Variants in SNX8 observed in about 807,000 individuals in gnomAD.
The protein encoded by SNX8 is sorting nexin-8.
A neutral mutation model predicts 51.6 loss-of-function variants in SNX8; 25 were observed. The ratio of observed to expected loss-of-function variants is 0.48; its 90% CI spans 0.35 to 0.68. SNX8 has a LOEUF of 0.68. Ranked by LOEUF, SNX8 falls within the 30% of genes least tolerant of loss-of-function variation. The pLI, the probability that SNX8 is intolerant of heterozygous loss-of-function variation, is 0.00. For missense variants in SNX8, 695 were observed against 624.0 expected (o/e 1.11, Z -1.21); for synonymous variants, 324 against 277.0 (o/e 1.17, Z -1.68).
rs1164062780 is a variant in SNX8, at chr7:2,254,117, G to C, written c.*939C>G. ...CACTGGTTCCCTCTGTGAGCAGGTGGCTGGGCCGGCAAGTGCGTGACGGGA... is the reference window on the plus strand; with the variant it reads ...CACTGGTTCCCTCTGTGAGCAGGTGCCTGGGCCGGCAAGTGCGTGACGGGA... On this transcript the variant is annotated 3_prime_UTR_variant, in exon 11 of 11. Transcript: ENST00000222990. 1 of 152,600 alleles carries C rather than the reference G, an allele frequency of 6.6e-6. No individual in the cohort carries two copies. The highest frequency in any genetic ancestry group is 2.4e-5 in the African/African-American group (1 of 41,466). 9.5% of individuals were successfully genotyped at this position (152,600 alleles called of 1,614,324 possible). A position where few individuals can be genotyped will look rare whatever the true frequency, so the allele number is the denominator to read the frequency against.
chr7:2,323,005 A>G (rs1372172818), intron 1 of SNX8, among the ~76,000 whole-genome samples: 2 of 151,524 alleles, frequency 1.3e-5, no homozygotes, highest in Non-Finnish European at 2.9e-5. Context: ...CAACAGAACA[A>G]GACTCTGTCT....
chr7:2,334,715 A>T (rs1778794282), intron 1 of SNX8, among the ~76,000 whole-genome samples: 1 of 151,288 alleles, frequency 6.6e-6, no homozygotes, highest in South Asian at 2.1e-4. Context: ...ACAAAAACAA[A>T]AACAATTAGC....
At chr7:2,327,653 C>T (rs1232302299) in intron 1 of SNX8, among the ~76,000 whole-genome samples, 12 of 151,202 alleles carry the variant, frequency 7.9e-5, no homozygotes, top group East Asian at 1.9e-4. Context: ...ATGATCCGCC[C>T]GCCTCGGCCT....
intron 1 of SNX8, among the ~76,000 whole-genome samples, chr7:2,346,404 C>T (rs1198790114): frequency 6.6e-6 from 1 of 151,644 alleles, no homozygotes; most frequent in East Asian, 1.9e-4. Context: ...TGTGATTTCA[C>T]CACTGCACTC....
In SNX8 at chr7:2,328,404, C is replaced by T. The variant is rs1046758108; in HGVS notation, c.-66+25818G>A. On this transcript the variant is annotated intron_variant, in intron 1 of 5. Coordinates refer to the SNX8 transcript ENST00000435336. ...ACAGGGTCTCACTATATTGCCCAGG[C>T]TGGTCTTCAACTCCTGGGCTCAAAT... Among the ~76,000 whole-genome samples, 6 of 152,056 alleles carry T rather than the reference C, an allele frequency of 3.9e-5. No individual in the cohort carries two copies. The East Asian group carries it at 1.2e-3, about 29-fold the overall frequency.
chr7:2,285,294 CAGG>C (rs1367285034), intron 1 of SNX8, among the ~76,000 whole-genome samples: 1 of 151,556 alleles, frequency 6.6e-6, no homozygotes, highest in Non-Finnish European at 1.5e-5. Context: ...GAGGCTGAGG[CAGG>C]AGAATTGCTT....
intron 1 of SNX8, among the ~76,000 whole-genome samples, chr7:2,303,073 C>CGCCCG (rs1796444304): frequency 6.7e-6 from 1 of 149,506 alleles, no homozygotes; most frequent in African/African-American, 2.5e-5. Context: ...GTCAGCCCCC[C>CGCCCG]ACCCGGCCAG....
chr7:2,340,987 C>T (rs1025829431), intron 1 of SNX8, among the ~76,000 whole-genome samples: 1 of 150,884 alleles, frequency 6.6e-6, no homozygotes, highest in African/African-American at 2.4e-5. Context: ...AATTTAAGAC[C>T]AGCCTGGGCA....
At position 2,328,391 on chromosome 7, in the gene SNX8, T is replaced by C. The variant is rs550170023; in HGVS notation, c.-66+25831A>G. 8.6e-4 allele frequency among the ~76,000 whole-genome samples: 131 copies of C among 151,908 alleles called. 1 individual carries two copies. Among genetic ancestry groups the C allele is most frequent in the African/African-American group, 3.0e-3 (124 of 41,424 alleles). On this transcript the variant is annotated intron_variant, in intron 1 of 5. Coordinates refer to the SNX8 transcript ENST00000435336. ...ATTTTCTGTACAGACAGGGTCTCACTATATTGCCCAGGCTGGTCTTCAACT... is the reference window on the plus strand; with the variant it reads ...ATTTTCTGTACAGACAGGGTCTCACCATATTGCCCAGGCTGGTCTTCAACT...
At chr7:2,339,025 C>A (rs1453391371) in intron 1 of SNX8, among the ~76,000 whole-genome samples, 1 of 152,190 alleles carries the variant, frequency 6.6e-6, no homozygotes. Flanking sequence ...GATCCTCCAA[C>A]CTCAGCCTCC....
chr7:2,302,904 G>A (rs1447296971), intron 1 of SNX8, among the ~76,000 whole-genome samples: 3 of 149,560 alleles, frequency 2.0e-5, no homozygotes, highest in Admixed American at 6.6e-5. Context: ...CCCTCCGCCC[G>A]GCAGCCGCCC....
intron 1 of SNX8, among the ~76,000 whole-genome samples, chr7:2,302,138 T>G (rs1436529164): frequency 1.3e-5 from 2 of 151,950 alleles, no homozygotes; most frequent in East Asian, 1.9e-4. Context: ...TTCCACGGTC[T>G]CCCTCTGATG....
intron 1 of SNX8, among the ~76,000 whole-genome samples, chr7:2,304,530 C>T (rs1163289634): frequency 1.3e-5 from 2 of 151,154 alleles, no homozygotes; most frequent in East Asian, 1.9e-4. Flanking sequence ...GGCGACAGAG[C>T]GAGACTCCAT....
chr7:2,294,559 G>T (rs1796229235), intron 1 of SNX8, among the ~76,000 whole-genome samples: 1 of 152,226 alleles, frequency 6.6e-6, no homozygotes, highest in Non-Finnish European at 1.5e-5. Flanking sequence ...CACAGAGCCA[G>T]CAAGGTGGCT....
At chr7:2,303,274 A>G (rs1228972327) in intron 1 of SNX8, among the ~76,000 whole-genome samples, 4 of 140,284 alleles carry the variant, frequency 2.9e-5, no homozygotes, top group African/African-American at 1.2e-4. Context: ...CCCGTCCGGG[A>G]GGGAGGTGGG....
intron 1 of SNX8, chr7:2,310,033 G>C (rs1364532334): frequency 2.7e-6 from 1 of 372,510 alleles, no homozygotes; most frequent in Non-Finnish European, 5.5e-6. Flanking sequence ...GGGATGAGCC[G>C]CAAGTGAAGC....
chr7:2,343,749 T>G (rs1778973373), intron 1 of SNX8, among the ~76,000 whole-genome samples: 2 of 152,242 alleles, frequency 1.3e-5, no homozygotes, highest in Non-Finnish European at 1.5e-5. Context: ...CCAAATGCAG[T>G]GGCTCACACC....
chr7:2,268,216 C>T (rs1463258645), intron 5 of SNX8, among the ~76,000 whole-genome samples: 1 of 136,538 alleles, frequency 7.3e-6, no homozygotes, highest in African/African-American at 2.9e-5. Flanking sequence ...ATGTGAGGAG[C>T]GCCTCTGCCC....
At chr7:2,324,679 C>A (rs1778594703) in intron 1 of SNX8, among the ~76,000 whole-genome samples, 1 of 152,130 alleles carries the variant, frequency 6.6e-6, no homozygotes, top group African/African-American at 2.4e-5. Context: ...GCAACCAAGA[C>A]CAGAAAAGTT....
Sources: allele counts gnomAD v4.1 joint callset (sites outside exome capture counted in the v4.1 genomes callset), GRCh38; gene constraint gnomAD v4.1.1; transcripts MANE v1.5; gene names NCBI Gene and HGNC (gene_info 2026-07-23, HGNC 2026-07-21).